The following SUGCT variants were observed in gnomAD, a reference collection of about 807,000 sequenced individuals.
SUGCT encodes the protein succinyl-CoA:glutarate CoA-transferase.
In SUGCT, 41 loss-of-function variants were observed where a neutral mutation model predicts 55.0. That is an observed-to-expected ratio of 0.74 (90% CI 0.58 to 0.97). The LOEUF is 0.97. SUGCT is among the 50% of genes least tolerant of loss of function. The pLI is 0.00. For synonymous variants in SUGCT, 187 were observed against 200.4 expected, an observed-to-expected ratio of 0.93 and a Z score of 0.56; for missense variants, 568 against 547.8, an observed-to-expected ratio of 1.04 and a Z score of -0.37.
At chr7:40,749,204 A>T (rs2128711628) in intron 12 of SUGCT, among the ~76,000 whole-genome samples, 1 of 152,254 alleles carries the variant, frequency 6.6e-6, no homozygotes, top group Admixed American at 6.5e-5. Flanking sequence ...GTCTTATTGA[A>T]ATGTTTTCTA....
chr7:40,349,768 G>T (rs1205418389), intron 9 of SUGCT, among the ~76,000 whole-genome samples: 1 of 152,146 alleles, frequency 6.6e-6, no homozygotes, highest in African/African-American at 2.4e-5. Context: ...TATCTCTCGG[G>T]CTTAAGTGAC....
intron 9 of SUGCT, among the ~76,000 whole-genome samples, chr7:40,375,618 A>C (rs1365981071): frequency 6.6e-6 from 1 of 152,156 alleles, no homozygotes; most frequent in African/African-American, 2.4e-5. Context: ...CTCATTTGAG[A>C]GATTGTCCCA....
At chr7:40,627,820 C>T (rs919801491) in intron 12 of SUGCT, among the ~76,000 whole-genome samples, 5 of 152,180 alleles carry the variant, frequency 3.3e-5, no homozygotes, top group African/African-American at 1.2e-4. Flanking sequence ...AGACACTATT[C>T]TCCTGCCTCA....
chr7:40,322,373 T>A (rs1245638473), intron 9 of SUGCT, among the ~76,000 whole-genome samples: 1 of 152,196 alleles, frequency 6.6e-6, no homozygotes, highest in Admixed American at 6.5e-5. Context: ...TGCCCACAGA[T>A]CTTTGGGTAG....
At chr7:40,662,500 C>A (rs1801381651) in intron 12 of SUGCT, among the ~76,000 whole-genome samples, 1 of 152,240 alleles carries the variant, frequency 6.6e-6, no homozygotes, top group African/African-American at 2.4e-5. Flanking sequence ...CCTCCTCTCT[C>A]CCTCCTTGTT....
chr7:40,336,620 G>T (rs552260752), intron 9 of SUGCT, among the ~76,000 whole-genome samples: 1 of 151,902 alleles, frequency 6.6e-6, no homozygotes, highest in Non-Finnish European at 1.5e-5. Context: ...TTTATTGCAC[G>T]TATTTAATTC....
intron 12 of SUGCT, among the ~76,000 whole-genome samples, chr7:40,547,925 A>T (rs555460725): frequency 6.6e-6 from 1 of 152,262 alleles, no homozygotes; most frequent in East Asian, 1.9e-4. Flanking sequence ...ACAGCTTCAT[A>T]CATAGAGCTT....
At chr7:40,555,560 A>G (rs1334895440) in intron 12 of SUGCT, among the ~76,000 whole-genome samples, 3 of 151,902 alleles carry the variant, frequency 2.0e-5, no homozygotes, top group African/African-American at 7.3e-5. Flanking sequence ...TATCTCTCCA[A>G]CTTAAGCAGG....
chr7:40,987,504 T>C, the SUGCT span, among the ~76,000 whole-genome samples: 1 of 152,190 alleles, frequency 6.6e-6, no homozygotes, highest in South Asian at 2.1e-4. Context: ...TGGTGGAGAA[T>C]CATTGTGTTA....
At chr7:40,735,996 T>C (rs1370009771) in intron 12 of SUGCT, among the ~76,000 whole-genome samples, 1 of 151,746 alleles carries the variant, frequency 6.6e-6, no homozygotes, top group Non-Finnish European at 1.5e-5. Flanking sequence ...TAAGAACAAC[T>C]GCACAGCAAA....
At chr7:41,007,024 A>G in the SUGCT span, among the ~76,000 whole-genome samples, 32 of 152,292 alleles carry the variant, frequency 2.1e-4, no homozygotes, top group East Asian at 4.6e-3. Flanking sequence ...AATTTAAAGA[A>G]GAAGGGCCTC....
chr7:40,510,874 T>C (rs183343273), intron 12 of SUGCT, among the ~76,000 whole-genome samples: 112 of 152,228 alleles, frequency 7.4e-4, no homozygotes, highest in Admixed American at 1.2e-3. Context: ...GTAATAATTG[T>C]TGTGGGAAAA....
intron 9 of SUGCT, among the ~76,000 whole-genome samples, chr7:40,385,725 CT>C (rs11341247): frequency 0.95 from 144,206 of 152,260 alleles, 68,769 homozygotes; most frequent in East Asian, 1. Flanking sequence ...TGTTTCATTC[CT>C]TTCCTCAAAT....
the SUGCT span, among the ~76,000 whole-genome samples, chr7:41,010,862 T>G: frequency 6.6e-6 from 1 of 152,218 alleles, no homozygotes; most frequent in Admixed American, 6.5e-5. Flanking sequence ...ATGTATTAAA[T>G]TGGAATGTTT....
At position 40,472,856 on chromosome 7, in the gene SUGCT, G is replaced by A. The variant is rs114262097; in HGVS notation, c.986+13658G>A. Among the ~76,000 whole-genome samples the A allele has an allele frequency of 1.6e-3, 237 of 152,172 alleles. 1 individual carries two copies. The highest frequency in any genetic ancestry group is 5.5e-3 in the African/African-American group (229 of 41,526). On this transcript the variant is annotated intron_variant, in intron 11 of 13. Transcript: ENST00000335693. ...TTCATGTTCTTGACTTTCACTTTGC[G>A]TGAATATCAATGCCACATGTATCTG...
intron 12 of SUGCT, among the ~76,000 whole-genome samples, chr7:40,709,230 T>C (rs943823770): frequency 5.3e-5 from 8 of 152,216 alleles, no homozygotes; most frequent in African/African-American, 1.9e-4. Flanking sequence ...TATTCCCACA[T>C]GTGTTAACTC....
the SUGCT span, among the ~76,000 whole-genome samples, chr7:40,907,980 GT>G: frequency 0.046 from 6,843 of 148,780 alleles, 179 homozygotes; most frequent in African/African-American, 0.067. Flanking sequence ...TAATTATCTA[GT>G]TTTTTTTTTG....
At chr7:40,305,684 C>T (rs1255590789) in intron 8 of SUGCT, among the ~76,000 whole-genome samples, 2 of 151,944 alleles carry the variant, frequency 1.3e-5, no homozygotes, top group African/African-American at 4.8e-5. Context: ...TTTTTTGTGA[C>T]AGGGTCTTGC....
chr7:40,832,553 G>GTTTT (rs1420713072), intron 13 of SUGCT, among the ~76,000 whole-genome samples: 5 of 133,580 alleles, frequency 3.7e-5, no homozygotes, highest in Admixed American at 7.6e-5. Context: ...GTTTTCCAGG[G>GTTTT]TTTTTTTTGT....
Sources: allele counts gnomAD v4.1 joint callset (sites outside exome capture counted in the v4.1 genomes callset), GRCh38; gene constraint gnomAD v4.1.1; transcripts MANE v1.5; gene names NCBI Gene and HGNC (gene_info 2026-07-23, HGNC 2026-07-21).